Variants in UTRN observed in about 807,000 individuals in gnomAD.
UTRN encodes the protein dystrophin-related protein 1.
A neutral mutation model predicts 463.9 loss-of-function variants in UTRN; 283 were observed. That is an observed-to-expected ratio of 0.61 (90% CI 0.55 to 0.67). The LOEUF is 0.67. Ranked by LOEUF, UTRN falls within the 30% of genes least tolerant of loss-of-function variation. The pLI is 0.00. For synonymous variants in UTRN, 1,442 were observed against 1,431.5 expected (o/e 1.01, Z -0.17); for missense variants, 3,922 against 4,084.3 (o/e 0.96, Z 1.08).
chr6:144,540,958 A>G (rs1797930051), intron 45 of UTRN, among the ~76,000 whole-genome samples: 1 of 152,238 alleles, frequency 6.6e-6, no homozygotes, highest in Non-Finnish European at 1.5e-5. Flanking sequence ...AAAAAATATC[A>G]TACATTTGAC....
At position 144,455,782 on chromosome 6, in the gene UTRN, C is replaced by T. The variant is rs566791083; in HGVS notation, c.2284+1913C>T. Among the ~76,000 whole-genome samples the T allele has an allele frequency of 2.0e-5, 3 of 152,272 alleles. No homozygotes were observed. In the South Asian group the frequency reaches 6.2e-4, roughly 32 times the overall value. ...GAAAATGAGGGAGTTTATTAGCTGA[C>T]TCTTAGCTGTTAGTTTATCAGGTGA... On this transcript the variant is annotated intron_variant, in intron 19 of 74. Transcript: ENST00000367545.
At chr6:144,506,291 G>C (rs187691733) in intron 34 of UTRN, among the ~76,000 whole-genome samples, 2 of 152,076 alleles carry the variant, frequency 1.3e-5, no homozygotes. Context: ...GTATGAATTT[G>C]ATCCTGTCAT....
At chr6:144,768,962 T>TTG (rs1793688134) in intron 58 of UTRN, among the ~76,000 whole-genome samples, 5 of 150,660 alleles carry the variant, frequency 3.3e-5, no homozygotes, top group African/African-American at 1.2e-4. Context: ...TGTTTTGTTT[T>TTG]TTTTTTTTTA....
intron 3 of UTRN, among the ~76,000 whole-genome samples, chr6:144,407,318 G>A (rs531251107): frequency 6.6e-6 from 1 of 152,272 alleles, no homozygotes; most frequent in African/African-American, 2.4e-5. Flanking sequence ...AATTCTATAT[G>A]TTCATAAGCC....
intron 2 of UTRN, among the ~76,000 whole-genome samples, chr6:144,375,719 G>A (rs138293089): frequency 1.5e-3 from 227 of 152,216 alleles, no homozygotes; most frequent in Non-Finnish European, 2.5e-3. Context: ...GATTCACCTC[G>A]TTGGTGGAAT....
chr6:144,458,991 A>G lies in UTRN; in HGVS notation c.2506A>G (p.Ser836Gly), dbSNP rs1481699576. Residue 836 changes from serine to glycine, a missense_variant, in exon 20 of 75, where the codon AGC (serine) becomes GGC (glycine). This residue lies in a region of UTRN where 2,349 missense variants were observed against 2,303.8 expected (regional missense o/e 1.02). Coordinates refer to ENST00000367545, the MANE Select transcript of UTRN (RefSeq NM_007124.3). Reference sequence around the variant, plus strand: ...TGAATCTTCCCGGCAGTCCTTGCCAAGCTTGAAGGATTCCTGTCAGGTAAG... The same window carrying G: ...TGAATCTTCCCGGCAGTCCTTGCCAGGCTTGAAGGATTCCTGTCAGGTAAG... ...ISESSRQSLP[S>G]LKDSCQRELT... 6.2e-7 allele frequency: 1 copy of G among 1,604,802 alleles called. No individual in the cohort carries two copies.
chr6:144,439,242 A>G (rs1252277483), intron 12 of UTRN, among the ~76,000 whole-genome samples: 4 of 152,230 alleles, frequency 2.6e-5, no homozygotes, highest in Non-Finnish European at 5.9e-5. Flanking sequence ...TCTATGATTC[A>G]GGAAAGCGTC....
intron 2 of UTRN, among the ~76,000 whole-genome samples, chr6:144,337,229 G>A (rs1048448135): frequency 1.3e-5 from 2 of 148,862 alleles, no homozygotes; most frequent in African/African-American, 2.5e-5. Flanking sequence ...CATGTGAGAG[G>A]AGGGCCACCC....
chr6:144,572,835 G>A (rs913654302), intron 50 of UTRN, among the ~76,000 whole-genome samples: 7 of 152,100 alleles, frequency 4.6e-5, no homozygotes, highest in Non-Finnish European at 1.0e-4. Context: ...CTTTGCTATT[G>A]TAAATAGTGC....
chr6:144,637,310 C>G (rs899315016), intron 51 of UTRN, among the ~76,000 whole-genome samples: 1 of 152,140 alleles, frequency 6.6e-6, no homozygotes, highest in Admixed American at 6.5e-5. Flanking sequence ...TGTTCAGAAT[C>G]TAATGTAGTT....
At chr6:144,389,106 G>A (rs1337883797) in intron 2 of UTRN, among the ~76,000 whole-genome samples, 1 of 152,224 alleles carries the variant, frequency 6.6e-6, no homozygotes, top group African/African-American at 2.4e-5. Flanking sequence ...GGAGACATGA[G>A]ACATCAATCA....
At position 144,735,686 on chromosome 6, in the gene UTRN, G is replaced by A. The variant is rs141364016; in HGVS notation, c.7939+5200G>A. Among the ~76,000 whole-genome samples the A allele has an allele frequency of 4.3e-3, 657 of 151,750 alleles. 2 individuals are homozygous for A. Among genetic ancestry groups the A allele is most frequent in the Non-Finnish European group, 7.4e-3 (502 of 67,970 alleles). ...TCTCCTTTCTTCCCTAGGACTTTGC[G>A]AAGTTTATAAAAAGCTACTTTAAAG... is the stretch of plus-strand genomic sequence containing the variant. On this transcript the variant is annotated intron_variant, in intron 54 of 74. Transcript: ENST00000367545.
At chr6:144,571,604 C>T (rs1800944583) in intron 50 of UTRN, among the ~76,000 whole-genome samples, 1 of 152,052 alleles carries the variant, frequency 6.6e-6, no homozygotes, top group Admixed American at 6.6e-5. Flanking sequence ...TGTTCTTTTC[C>T]CTGCTTCGCC....
Position 144,730,493 on chromosome 6 carries a change from C to A in UTRN, c.7939+7C>A. ...AACCTACAATCAAAAACAGGTGAGA[C>A]TGGTTTCTCCACTACATCATAAAAA... On this transcript the variant is annotated splice_region_variant and intron_variant, in intron 54 of 74. Coordinates refer to ENST00000367545, the MANE Select transcript of UTRN (RefSeq NM_007124.3). 6.2e-7 allele frequency: 1 copy of A among 1,604,560 alleles called. No homozygotes were observed. Among genetic ancestry groups the A allele is most frequent in the Non-Finnish European group, 8.5e-7 (1 of 1,175,208 alleles).
At position 144,433,081 on chromosome 6, in the gene UTRN, C is replaced by A. The variant is rs759934082; in HGVS notation, c.856-2854C>A. On this transcript the variant is annotated intron_variant, in intron 9 of 74. Coordinates refer to ENST00000367545, the MANE Select transcript of UTRN (RefSeq NM_007124.3). ...ACAAAATGAAAAGTCTCCCATGTCT[C>A]CTTCTTTCTACACAGACACGGCAAC... Among the ~76,000 whole-genome samples the A allele has an allele frequency of 1.3e-3, 201 of 151,214 alleles. 1 individual carries two copies. Among genetic ancestry groups the A allele is most frequent in the Middle Eastern group, 0.01 (3 of 292 alleles).
intron 50 of UTRN, among the ~76,000 whole-genome samples, chr6:144,567,223 G>A (rs969788869): frequency 6.6e-6 from 1 of 152,164 alleles, no homozygotes; most frequent in Non-Finnish European, 1.5e-5. Context: ...TTGGCCTGGG[G>A]AGATGGAAGG....
At chr6:144,630,091 G>A (rs1441526265) in intron 51 of UTRN, among the ~76,000 whole-genome samples, 1 of 152,208 alleles carries the variant, frequency 6.6e-6, no homozygotes, top group Non-Finnish European at 1.5e-5. Flanking sequence ...GGGAGGCTGA[G>A]GCAGGAGAAT....
intron 64 of UTRN, 115 bp downstream of exon 64, chr6:144,798,105 A>G: frequency 7.0e-7 from 1 of 1,420,654 alleles, no homozygotes; most frequent in Admixed American, 2.2e-5. Flanking sequence ...TTCTAAATAA[A>G]TGGTATGTTC....
intron 52 of UTRN, among the ~76,000 whole-genome samples, chr6:144,692,143 T>A (rs1783480847): frequency 6.6e-6 from 1 of 152,222 alleles, no homozygotes. Context: ...ACATGTGGTA[T>A]TTGGTTTTCT....
Sources: gnomAD v4.1 joint callset for allele counts (sites outside exome capture counted in the v4.1 genomes callset) on GRCh38, gnomAD v4.1.1 for gene constraint, gnomAD v4.1.1 regional missense constraint, MANE v1.5 for transcripts, NCBI Gene and HGNC (gene_info 2026-07-23, HGNC 2026-07-21) for gene names.